The following SLX9 variants were observed in gnomAD, a reference collection of about 807,000 sequenced individuals.
SLX9 encodes SLX9 ribosome biogenesis factor, also known as ribosome biogenesis protein SLX9 homolog.
Under a neutral mutation model 20.8 loss-of-function variants are expected in SLX9, and 19 were observed. That is an observed-to-expected ratio of 0.91 (90% CI 0.64 to 1.34). The LOEUF (loss-of-function observed/expected upper bound fraction) is 1.34. Among genes scored for constraint, SLX9 ranks in the 40% most tolerant of loss-of-function variants. The pLI is 0.00. For missense variants in SLX9, 299 were observed against 322.2 expected (o/e 0.93, Z 0.55); for synonymous variants, 113 against 137.1 (o/e 0.82, Z 1.23).
chr21:44,969,080 C>A, intron 4 of SLX9: 1 of 440,130 alleles, frequency 2.3e-6, no homozygotes, highest in Admixed American at 2.5e-5. Context: ...AAATAATTTT[C>A]TTTCTCCTAC....
At chr21:44,956,402 T>C (rs2084858301) in intron 2 of SLX9, among the ~76,000 whole-genome samples, 1 of 152,150 alleles carries the variant, frequency 6.6e-6, no homozygotes, top group South Asian at 2.1e-4. Context: ...ACTTCATTTT[T>C]CCCCAAACGG....
rs1260408238 is a variant in SLX9 at position 44,976,614 on chromosome 21, C to T, written c.570-66C>T. The stretch of plus-strand genomic sequence containing the variant: ...CATTCATTTCGGTGTCTGACGTTTC[C>T]GGGTGTTGAGGGGCTGAGGGGTCCG... On this transcript the variant is annotated intron_variant, in intron 5 of 5. Transcript: ENST00000291634. 73 of 1,535,190 alleles carry T rather than the reference C, an allele frequency of 4.8e-5. No individual in the cohort carries two copies. The East Asian group carries it at 9.2e-4, about 19-fold the overall frequency.
At chr21:44,960,982 A>C (rs2084941185) in intron 3 of SLX9, among the ~76,000 whole-genome samples, 1 of 152,220 alleles carries the variant, frequency 6.6e-6, no homozygotes, top group Non-Finnish European at 1.5e-5. Context: ...GGTTTTAAAG[A>C]AAATGTATGT....
At chr21:44,974,818 G>A (rs990332004) in intron 5 of SLX9, among the ~76,000 whole-genome samples, 1 of 152,198 alleles carries the variant, frequency 6.6e-6, no homozygotes, top group African/African-American at 2.4e-5. Context: ...AGCCCTCTCC[G>A]TGTGGCCATC....
chr21:44,956,102 C>A (rs2146640425), intron 2 of SLX9, among the ~76,000 whole-genome samples: 1 of 152,356 alleles, frequency 6.6e-6, no homozygotes, highest in South Asian at 2.1e-4. Context: ...CTATATGTGC[C>A]TTTTCCTGTT....
At position 44,962,852 on chromosome 21, in the gene SLX9, G is replaced by A. The variant is rs79819240; in HGVS notation, c.352+2684G>A. 3.1e-3 allele frequency among the ~76,000 whole-genome samples: 474 copies of A among 152,158 alleles called. 2 individuals carry two copies. The highest frequency in any genetic ancestry group is 0.011 in the African/African-American group (459 of 41,510). Reference sequence around the variant, plus strand: ...GCCTGCCGTCTCCTCAGCCTCGGCCGTCTGGTAATCATGAAATGGTATCTC... The same window carrying A: ...GCCTGCCGTCTCCTCAGCCTCGGCCATCTGGTAATCATGAAATGGTATCTC... On this transcript the variant is annotated intron_variant, in intron 3 of 5. Coordinates refer to ENST00000291634, the MANE Select transcript of SLX9 (RefSeq NM_058190.4).
chr21:44,975,420 C>T (rs1394717824), intron 5 of SLX9, among the ~76,000 whole-genome samples: 1 of 152,242 alleles, frequency 6.6e-6, no homozygotes, highest in East Asian at 1.9e-4. Flanking sequence ...GGGAGCCACA[C>T]AGTGCCAGGG....
At chr21:44,953,277 C>T (rs552074594) in intron 2 of SLX9, among the ~76,000 whole-genome samples, 1 of 152,334 alleles carries the variant, frequency 6.6e-6, no homozygotes, top group Non-Finnish European at 1.5e-5. Context: ...CTGTGGTTTT[C>T]TGATGTGTGC....
upstream of SLX9, chr21:44,939,858 T>A (rs563183773): frequency 1.6e-5 from 9 of 578,894 alleles, no homozygotes; most frequent in Non-Finnish European, 2.4e-5. Flanking sequence ...TCCTCCGGTC[T>A]GTTTCTCCCA....
chr21:44,974,974 G>T lies in SLX9; in HGVS notation c.570-1706G>T, dbSNP rs554434001. 5.3e-5 allele frequency among the ~76,000 whole-genome samples: 8 copies of T among 152,288 alleles called. No homozygotes were observed. The South Asian group carries it at 1.7e-3, about 32-fold the overall frequency. The stretch of plus-strand genomic sequence containing the variant: ...GGTGCCCCCATGTCCTTGCGGTCGC[G>T]GCATTTTGAAGCAGCTCAGGTTAAC... On this transcript the variant is annotated intron_variant, in intron 5 of 5. Transcript: ENST00000291634.
At chr21:44,957,910 G>C (rs1158758728) in intron 2 of SLX9, among the ~76,000 whole-genome samples, 1 of 152,250 alleles carries the variant, frequency 6.6e-6, no homozygotes, top group African/African-American at 2.4e-5. Flanking sequence ...CCGTGCAGCA[G>C]GTGGCCTAGG....
chr21:44,963,375 C>CTT lies in SLX9; in HGVS notation c.352+3221_352+3222dup, dbSNP rs34354955. On this transcript the variant is annotated intron_variant, in intron 3 of 5. Transcript: ENST00000291634. ...AGTGCTCGGATTACAGGCGTGAGAACTTTTTTTTTTTTTTTAAATAAACGA... is the reference window on the plus strand; with the variant it reads ...AGTGCTCGGATTACAGGCGTGAGAACTTTTTTTTTTTTTTTTTAAATAAACGA... 2.9e-3 allele frequency among the ~76,000 whole-genome samples: 428 copies of CTT among 146,958 alleles called. 2 individuals carry two copies. Among genetic ancestry groups the CTT allele is most frequent in the Middle Eastern group, 0.014 (4 of 278 alleles).
Position 44,967,178 on chromosome 21 carries a change from G to A in SLX9, c.497G>A (p.Arg166His), listed in dbSNP as rs61746213. 419 of 1,579,658 alleles carry A rather than the reference G, an allele frequency of 2.7e-4. 1 individual carries two copies. Among genetic ancestry groups the A allele is most frequent in the Non-Finnish European group, 3.1e-4 (361 of 1,163,766 alleles). The change falls in exon 4 of 6, where the codon CGC becomes CAC. Residue 166 changes from arginine to histidine, a missense_variant. Coordinates refer to ENST00000291634, the MANE Select transcript of SLX9 (RefSeq NM_058190.4). ...GLEAGSRRQA[R>H]SRESNKPRPS... The stretch of plus-strand genomic sequence containing the variant: ...GAGGCTGGCAGCCGGCGCCAAGCCC[G>A]CAGGTGAGTGTCCGGGAGGGGTGGC...
intron 2 of SLX9, among the ~76,000 whole-genome samples, chr21:44,947,178 G>C (rs2084658904): frequency 6.6e-6 from 1 of 152,194 alleles, no homozygotes; most frequent in Admixed American, 6.5e-5. Flanking sequence ...CCCCACCCCG[G>C]GTTTGTGCTG....
intron 5 of SLX9, among the ~76,000 whole-genome samples, chr21:44,975,152 C>T (rs1035383620): frequency 5.3e-5 from 8 of 152,194 alleles, no homozygotes; most frequent in African/African-American, 1.7e-4. Context: ...GGACAGGGCT[C>T]AGGTGTTTGA....
At chr21:44,958,709 C>T (rs939992659) in intron 2 of SLX9, among the ~76,000 whole-genome samples, 6 of 152,196 alleles carry the variant, frequency 3.9e-5, no homozygotes, top group African/African-American at 1.4e-4. Context: ...GGTCGTGGGG[C>T]CGCCGCCAGC....
intron 3 of SLX9, among the ~76,000 whole-genome samples, chr21:44,960,576 A>G (rs1355658982): frequency 2.0e-5 from 3 of 152,144 alleles, no homozygotes; most frequent in Admixed American, 6.5e-5. Context: ...TGGAGTTTTT[A>G]TGGTTCAGAA....
chr21:44,942,742 G>A (rs1013684567), intron 1 of SLX9, among the ~76,000 whole-genome samples: 7 of 152,172 alleles, frequency 4.6e-5, no homozygotes, highest in Non-Finnish European at 7.4e-5. Flanking sequence ...GAGGGTGAGA[G>A]GTTGAACGGA....
At chr21:44,970,048 A>G (rs752511937) in intron 4 of SLX9, among the ~76,000 whole-genome samples, 2 of 151,752 alleles carry the variant, frequency 1.3e-5, no homozygotes, top group African/African-American at 2.4e-5. Context: ...TATTGGGCAC[A>G]CCCTGTCACC....
Sources: gnomAD v4.1 joint callset for allele counts (sites outside exome capture counted in the v4.1 genomes callset) on GRCh38, gnomAD v4.1.1 for gene constraint, MANE v1.5 for transcripts, NCBI Gene and HGNC (gene_info 2026-07-23, HGNC 2026-07-21) for gene names.